Variants in VWA8 observed in about 807,000 individuals in gnomAD.
The protein encoded by VWA8 is von Willebrand factor A domain-containing protein 8.
A neutral mutation model predicts 241.5 loss-of-function variants in VWA8; 221 were observed. The observed-to-expected ratio is 0.91, with a 90% confidence interval of 0.82 to 1.02. VWA8 has a LOEUF of 1.02. Among genes scored for constraint, VWA8 ranks in the 50% least tolerant of loss-of-function variants. The probability of loss-of-function intolerance (pLI) is 0.00; values close to 1 mark genes in which losing one functional copy is unlikely to be tolerated. For synonymous variants in VWA8, 852 were observed against 827.1 expected (o/e 1.03, Z -0.52); for missense variants, 2,322 against 2,328.7 (o/e 1.00, Z 0.06).
chr13:41,834,288 C>T (rs1185863924), intron 12 of VWA8, among the ~76,000 whole-genome samples: 2 of 152,146 alleles, frequency 1.3e-5, no homozygotes, highest in East Asian at 1.9e-4. Context: ...CTTACATGTG[C>T]TAATGTGGAT....
chr13:41,936,316 T>C (rs1877346594), intron 2 of VWA8, among the ~76,000 whole-genome samples: 1 of 152,202 alleles, frequency 6.6e-6, no homozygotes, highest in African/African-American at 2.4e-5. Flanking sequence ...ATGTTTATTG[T>C]TCATTTGAAT....
intron 5 of VWA8, among the ~76,000 whole-genome samples, chr13:41,890,742 T>G (rs1874796080): frequency 6.6e-6 from 1 of 152,214 alleles, no homozygotes; most frequent in South Asian, 2.1e-4. Context: ...TGTATTGCAT[T>G]GTAAAAACTT....
intron 2 of VWA8, among the ~76,000 whole-genome samples, chr13:41,934,518 T>C (rs563768531): frequency 6.6e-6 from 1 of 152,064 alleles, no homozygotes; most frequent in Non-Finnish European, 1.5e-5. Context: ...AGCAGCTTTA[T>C]TTCTAAGAGC....
chr13:41,868,229 G>T, intron 10 of VWA8, 117 bp downstream of exon 10: 2 of 1,176,132 alleles, frequency 1.7e-6, no homozygotes, highest in Non-Finnish European at 2.4e-6. Context: ...TATAGATACC[G>T]ACAGAAGCAG....
intron 9 of VWA8, among the ~76,000 whole-genome samples, chr13:41,871,254 T>G (rs1873593887): frequency 6.6e-6 from 1 of 152,250 alleles, no homozygotes; most frequent in Non-Finnish European, 1.5e-5. Flanking sequence ...GAGTATTTCC[T>G]ATGAATTCTT....
intron 35 of VWA8, among the ~76,000 whole-genome samples, chr13:41,676,725 T>C (rs1243599820): frequency 6.6e-6 from 1 of 152,130 alleles, no homozygotes; most frequent in Non-Finnish European, 1.5e-5. Flanking sequence ...CTCCGCCTCC[T>C]CTGTTCAAGT....
intron 37 of VWA8, among the ~76,000 whole-genome samples, chr13:41,655,576 TG>T (rs2044898946): frequency 6.6e-6 from 1 of 152,214 alleles, no homozygotes; most frequent in Non-Finnish European, 1.5e-5. Context: ...ACATTATATC[TG>T]GGGACAGAAA....
rs535663183 is a variant in VWA8 at position 41,898,567 on chromosome 13, C to T, written c.484-6980G>A. The stretch of plus-strand genomic sequence containing the variant: ...CAGGTGGAGCTGCCTGCCAGTCCTG[C>T]GCCATGCGCTGGCACTCCTCAGCCC... On this transcript the variant is annotated intron_variant, in intron 4 of 44. Coordinates refer to ENST00000379310, the MANE Select transcript of VWA8 (RefSeq NM_015058.2). Among the ~76,000 whole-genome samples the T allele has an allele frequency of 2.2e-4, 33 of 152,368 alleles. No homozygotes were observed. In the South Asian group the frequency reaches 5.4e-3, roughly 25 times the overall value.
chr13:41,820,870 A>G (rs949639450), intron 14 of VWA8, among the ~76,000 whole-genome samples: 7 of 152,206 alleles, frequency 4.6e-5, no homozygotes, highest in Non-Finnish European at 1.0e-4. Context: ...AACTGCCATA[A>G]AGCCCAGCAA....
intron 40 of VWA8, among the ~76,000 whole-genome samples, chr13:41,598,107 A>G (rs2139652124): frequency 6.6e-6 from 1 of 152,194 alleles, no homozygotes; most frequent in South Asian, 2.1e-4. Flanking sequence ...ATATATTGTC[A>G]TTTGTAAGAA....
chr13:41,609,439 A>G (rs2044573486), intron 39 of VWA8, among the ~76,000 whole-genome samples: 1 of 152,172 alleles, frequency 6.6e-6, no homozygotes, highest in South Asian at 2.1e-4. Context: ...TTGACAATGA[A>G]ATGATAGAAG....
intron 29 of VWA8, among the ~76,000 whole-genome samples, chr13:41,693,675 G>T (rs1383058946): frequency 6.6e-6 from 1 of 151,586 alleles, no homozygotes; most frequent in Non-Finnish European, 1.5e-5. Flanking sequence ...ATTAGGATAC[G>T]TTTTTTTAAG....
At chr13:41,760,688 T>C (rs2045732804) in intron 21 of VWA8, among the ~76,000 whole-genome samples, 1 of 151,964 alleles carries the variant, frequency 6.6e-6, no homozygotes, top group African/African-American at 2.4e-5. Context: ...AAAGTAACTT[T>C]AAGGAAGGCA....
At chr13:41,846,279 T>C (rs1215616187) in intron 12 of VWA8, among the ~76,000 whole-genome samples, 2 of 152,166 alleles carry the variant, frequency 1.3e-5, no homozygotes, top group Non-Finnish European at 2.9e-5. Context: ...CCGTTTGGTA[T>C]TCAATAAAGA....
chr13:41,881,816 C>A (rs1874220538), intron 9 of VWA8, among the ~76,000 whole-genome samples: 1 of 145,722 alleles, frequency 6.9e-6, no homozygotes, highest in African/African-American at 2.5e-5. Context: ...GGCAGAGGTG[C>A]CCCTCACCTC....
At chr13:41,703,168 G>T in intron 27 of VWA8, 135 bp downstream of exon 27, 1 of 708,726 alleles carries the variant, frequency 1.4e-6, no homozygotes, top group Non-Finnish European at 2.3e-6. Flanking sequence ...AGGCCAGCCT[G>T]ATTTGAAAGT....
At chr13:41,813,487 A>AT (rs1870558789) in intron 16 of VWA8, among the ~76,000 whole-genome samples, 1 of 152,192 alleles carries the variant, frequency 6.6e-6, no homozygotes, top group South Asian at 2.1e-4. Flanking sequence ...TGAAAAATTC[A>AT]TATTTTAATC....
At chr13:41,616,099 C>G (rs1224760731) in intron 37 of VWA8, among the ~76,000 whole-genome samples, 3 of 152,162 alleles carry the variant, frequency 2.0e-5, no homozygotes, top group African/African-American at 7.2e-5. Context: ...AATAAATGGG[C>G]CTGAAGTCAG....
At chr13:41,868,499 A>G (rs1206424288) in intron 9 of VWA8, 22 bp from the exon 10 acceptor site, 3 of 1,604,780 alleles carry the variant, frequency 1.9e-6, no homozygotes, top group South Asian at 2.2e-5. Context: ...CAAGAAAATC[A>G]TGCAATTTAC....
Sources: gnomAD v4.1 joint callset for allele counts (sites outside exome capture counted in the v4.1 genomes callset) on GRCh38, gnomAD v4.1.1 for gene constraint, MANE v1.5 for transcripts, NCBI Gene and HGNC (gene_info 2026-07-23, HGNC 2026-07-21) for gene names.